BBS9: variants seen among roughly 807,000 people sequenced by gnomAD.
BBS9 encodes the protein protein PTHB1.
A neutral mutation model predicts 117.7 loss-of-function variants in BBS9; 89 were observed. That is an observed-to-expected ratio of 0.76 (90% CI 0.64 to 0.90). The LOEUF is 0.90. BBS9 is among the 40% of genes least tolerant of loss of function. The probability of loss-of-function intolerance (pLI) is 0.00; values close to 1 mark genes in which losing one functional copy is unlikely to be tolerated. For synonymous variants in BBS9, 379 were observed against 370.9 expected, an observed-to-expected ratio of 1.02 and a Z score of -0.25; for missense variants, 982 against 1,042.2, an observed-to-expected ratio of 0.94 and a Z score of 0.80.
intron 5 of BBS9, among the ~76,000 whole-genome samples, chr7:33,240,093 T>C (rs1794224490): frequency 6.6e-6 from 1 of 152,188 alleles, no homozygotes; most frequent in African/African-American, 2.4e-5. Context: ...TTTATGAATA[T>C]TCTTTTCTCA....
intron 17 of BBS9, among the ~76,000 whole-genome samples, chr7:33,378,637 T>C (rs954806751): frequency 6.6e-6 from 1 of 152,188 alleles, no homozygotes; most frequent in Non-Finnish European, 1.5e-5. Flanking sequence ...TTTTTTTGTT[T>C]GTCAGGACAG....
At chr7:33,479,927 T>G (rs1425600092) in intron 19 of BBS9, among the ~76,000 whole-genome samples, 12 of 152,208 alleles carry the variant, frequency 7.9e-5, no homozygotes, top group Admixed American at 7.9e-4. Flanking sequence ...GTTTGTTTTT[T>G]GCTTGTTGAT....
chr7:33,144,555 T>C (rs1421191994), intron 1 of BBS9, among the ~76,000 whole-genome samples: 3 of 152,256 alleles, frequency 2.0e-5, no homozygotes, highest in African/African-American at 7.2e-5. Flanking sequence ...ACAAGTGTCC[T>C]TTCATGGTCT....
intron 21 of BBS9, among the ~76,000 whole-genome samples, chr7:33,616,044 G>A (rs1214803715): frequency 6.6e-6 from 1 of 151,950 alleles, no homozygotes; most frequent in Non-Finnish European, 1.5e-5. Context: ...CAAGAAATGT[G>A]TTAAAAGAAG....
chr7:33,168,843 G>C (rs1312803069), intron 4 of BBS9, among the ~76,000 whole-genome samples: 1 of 151,780 alleles, frequency 6.6e-6, no homozygotes, highest in Non-Finnish European at 1.5e-5. Context: ...AAGTTTTAGG[G>C]TACATGTGCA....
At chr7:33,289,030 C>T (rs1294905320) in intron 9 of BBS9, among the ~76,000 whole-genome samples, 1 of 152,146 alleles carries the variant, frequency 6.6e-6, no homozygotes, top group Non-Finnish European at 1.5e-5. Flanking sequence ...ATTTATCCAC[C>T]ATATTGCTAG....
chr7:33,459,484 G>C (rs1839141594), intron 19 of BBS9, among the ~76,000 whole-genome samples: 1 of 151,728 alleles, frequency 6.6e-6, no homozygotes, highest in African/African-American at 2.4e-5. Context: ...ACAGGGCTGA[G>C]GTTGAGAAGC....
chr7:33,239,611 T>C (rs1794132028), intron 5 of BBS9, among the ~76,000 whole-genome samples: 2 of 152,210 alleles, frequency 1.3e-5, no homozygotes, highest in Admixed American at 6.5e-5. Context: ...TTTTTTATGA[T>C]ATCAAATATT....
intron 21 of BBS9, among the ~76,000 whole-genome samples, chr7:33,545,278 T>C (rs960397201): frequency 6.6e-6 from 1 of 152,196 alleles, no homozygotes; most frequent in Non-Finnish European, 1.5e-5. Flanking sequence ...TCCTTCTCCC[T>C]GTGGAGTTTT....
intron 1 of BBS9, among the ~76,000 whole-genome samples, chr7:33,145,579 T>A (rs757699000): frequency 7.2e-5 from 11 of 152,206 alleles, no homozygotes; most frequent in Non-Finnish European, 1.5e-4. Context: ...TTTGAGTACC[T>A]ATAGCATACC....
intron 19 of BBS9, among the ~76,000 whole-genome samples, chr7:33,450,873 TTTTG>T (rs1227527169): frequency 1.2e-4 from 16 of 136,950 alleles, no homozygotes; most frequent in Admixed American, 1.0e-3. Flanking sequence ...AGTTTTTTTT[TTTTG>T]TTTTTTTGTT....
rs753957320 is a variant in BBS9 at position 33,534,127 on chromosome 7, T to C, written c.2472T>C (p.Arg824=). Reference sequence around the variant, plus strand: ...GCGATAGATTATCCAAAGGTGGCCGTCTCTGCCTAAGTACCGATGCAGCAG... The same window carrying C: ...GCGATAGATTATCCAAAGGTGGCCGCCTCTGCCTAAGTACCGATGCAGCAG... The part of the protein sequence containing the change: ...LLCDRLSKGG[R]LCLSTDAAAP... Residue 824 remains arginine, a synonymous_variant, in exon 21 of 23, where the codon CGT becomes CGC. Transcript: ENST00000242067. 20 of 1,614,146 alleles carry C rather than the reference T, an allele frequency of 1.2e-5. No homozygotes were observed. Among genetic ancestry groups the C allele is most frequent in the Non-Finnish European group, 1.5e-5 (18 of 1,180,036 alleles).
chr7:33,500,666 TGAAATATGGAGGCA>T (rs1447648992), intron 19 of BBS9, among the ~76,000 whole-genome samples: 1 of 152,212 alleles, frequency 6.6e-6, no homozygotes, highest in Non-Finnish European at 1.5e-5. Flanking sequence ...GTGCCACACA[TGAAATATGGAGGCA>T]GATTCAATGG....
intron 19 of BBS9, among the ~76,000 whole-genome samples, chr7:33,405,472 C>T (rs1178760186): frequency 1.3e-5 from 2 of 152,088 alleles, no homozygotes; most frequent in African/African-American, 2.4e-5. Flanking sequence ...TCCATCTGGT[C>T]GTGGACTCTT....
At chr7:33,542,763 GTATA>G (rs1452631454) in intron 21 of BBS9, among the ~76,000 whole-genome samples, 3 of 128,788 alleles carry the variant, frequency 2.3e-5, no homozygotes, top group Non-Finnish European at 5.0e-5. Flanking sequence ...ATACACGTAT[GTATA>G]TGTGAGTATA....
intron 5 of BBS9, among the ~76,000 whole-genome samples, chr7:33,250,691 AT>A (rs1377148885): frequency 6.6e-6 from 1 of 152,216 alleles, no homozygotes; most frequent in Non-Finnish European, 1.5e-5. Flanking sequence ...TAAATAAAGC[AT>A]TTTTCACATA....
In BBS9 at chr7:33,605,364, A is replaced by C. The variant is rs59454255; in HGVS notation, c.*138A>C. The C allele has an allele frequency of 3.9e-3, 3,600 of 915,928 alleles. 93 individuals carry two copies. The African/African-American group carries it at 0.052, about 13-fold the overall frequency. 56.7% of individuals were successfully genotyped at this position (915,928 alleles called of 1,614,324 possible). On this transcript the variant is annotated 3_prime_UTR_variant, in exon 23 of 23. Transcript: ENST00000242067. ...CTTCCTGGAGATGACATGCATAGAA[A>C]GAGGGGTTGGGACTTTTTACTTCAC...
intron 19 of BBS9, among the ~76,000 whole-genome samples, chr7:33,450,949 C>T (rs1208063522): frequency 4.0e-5 from 6 of 150,196 alleles, no homozygotes; most frequent in Admixed American, 6.7e-5. Context: ...AGTGCAGTGG[C>T]GCGATCTCGG....
intron 5 of BBS9, among the ~76,000 whole-genome samples, chr7:33,244,823 C>A (rs1217229255): frequency 6.6e-6 from 1 of 152,126 alleles, no homozygotes; most frequent in Non-Finnish European, 1.5e-5. Context: ...GTTTCTGAAT[C>A]AAAAATCACT....
Sources: allele counts gnomAD v4.1 joint callset (sites outside exome capture counted in the v4.1 genomes callset), GRCh38; gene constraint gnomAD v4.1.1; transcripts MANE v1.5; gene names NCBI Gene and HGNC (gene_info 2026-07-23, HGNC 2026-07-21).